GPM6A: variants seen among roughly 807,000 people sequenced by gnomAD.
The protein encoded by GPM6A is glycoprotein M6A.
GPM6A carries 7 observed loss-of-function variants against 32.1 expected under a neutral mutation model. That is an observed-to-expected ratio of 0.22 (90% CI 0.12 to 0.41). The LOEUF (loss-of-function observed/expected upper bound fraction) is 0.41. Ranked by LOEUF, GPM6A falls within the 10% of genes least tolerant of loss-of-function variation. The pLI is 1.00. For synonymous variants in GPM6A, 130 were observed against 123.4 expected, an observed-to-expected ratio of 1.05 and a Z score of -0.35; for missense variants, 235 against 347.2, an observed-to-expected ratio of 0.68 and a Z score of 2.57.
chr4:175,783,584 T>C (rs919317482), intron 1 of GPM6A, among the ~76,000 whole-genome samples: 1 of 151,958 alleles, frequency 6.6e-6, no homozygotes, highest in African/African-American at 2.4e-5. Context: ...GAATGCATAC[T>C]TTGATTCAAT....
intron 1 of GPM6A, among the ~76,000 whole-genome samples, chr4:175,879,815 T>C (rs984211245): frequency 1.3e-5 from 2 of 152,200 alleles, no homozygotes; most frequent in African/African-American, 4.8e-5. Flanking sequence ...AAAAGAATGT[T>C]ATGCTATTAT....
At chr4:175,686,772 CTAAT>C (rs762097475) in intron 2 of GPM6A, among the ~76,000 whole-genome samples, 1 of 152,306 alleles carries the variant, frequency 6.6e-6, no homozygotes, top group South Asian at 2.1e-4. Context: ...ATATAGTTGA[CTAAT>C]TAATTATTAC....
At chr4:175,959,939 TAAATGTATTTAATCCTCA>T (rs1464635830) in intron 1 of GPM6A, among the ~76,000 whole-genome samples, 1 of 152,200 alleles carries the variant, frequency 6.6e-6, no homozygotes, top group Non-Finnish European at 1.5e-5. Flanking sequence ...ATTTATACAT[TAAATGTATTTAATCCTCA>T]AAATAACCCT....
intron 1 of GPM6A, among the ~76,000 whole-genome samples, chr4:175,921,299 T>C (rs368061182): frequency 6.6e-6 from 1 of 152,210 alleles, no homozygotes. Flanking sequence ...TAATATTCCA[T>C]CTCAATCACT....
chr4:175,783,446 T>A (rs1733685797), intron 1 of GPM6A, among the ~76,000 whole-genome samples: 1 of 151,998 alleles, frequency 6.6e-6, no homozygotes, highest in African/African-American at 2.4e-5. Context: ...ATTTGTGGAA[T>A]ACCAAGTTAA....
intron 1 of GPM6A, among the ~76,000 whole-genome samples, chr4:175,886,979 T>C (rs963804686): frequency 1.3e-5 from 2 of 152,014 alleles, no homozygotes; most frequent in African/African-American, 4.8e-5. Context: ...AAGGAAAAGT[T>C]GATAGCTAAT....
chr4:175,871,438 C>T (rs575711268), intron 1 of GPM6A, among the ~76,000 whole-genome samples: 1 of 152,134 alleles, frequency 6.6e-6, no homozygotes, highest in Non-Finnish European at 1.5e-5. Flanking sequence ...CCACTGCACT[C>T]CAGCCTGGGC....
chr4:175,823,304 A>G (rs1386779191), intron 1 of GPM6A, among the ~76,000 whole-genome samples: 2 of 152,258 alleles, frequency 1.3e-5, no homozygotes, highest in Non-Finnish European at 2.9e-5. Context: ...ATTAACAACA[A>G]TGAACATAGG....
chr4:175,869,593 C>CT (rs1560972314), intron 1 of GPM6A, among the ~76,000 whole-genome samples: 3 of 151,840 alleles, frequency 2.0e-5, no homozygotes, highest in African/African-American at 7.3e-5. Context: ...CTTGTCTCTA[C>CT]TAACAATACA....
intron 1 of GPM6A, among the ~76,000 whole-genome samples, chr4:175,818,501 C>T (rs916130099): frequency 1.3e-4 from 20 of 152,328 alleles, no homozygotes; most frequent in African/African-American, 1.7e-4. Context: ...CCCTGGCCTG[C>T]GGCCTATAAG....
At chr4:175,840,292 C>T (rs925740521) in intron 1 of GPM6A, among the ~76,000 whole-genome samples, 1 of 152,110 alleles carries the variant, frequency 6.6e-6, no homozygotes, top group African/African-American at 2.4e-5. Context: ...ATGTCTATGC[C>T]AATTTAAAGA....
intron 1 of GPM6A, among the ~76,000 whole-genome samples, chr4:175,996,469 T>C (rs950173709): frequency 1.1e-4 from 16 of 152,218 alleles, no homozygotes; most frequent in African/African-American, 3.9e-4. Flanking sequence ...AAAGGATTTA[T>C]GCTAATTGAC....
intron 1 of GPM6A, among the ~76,000 whole-genome samples, chr4:175,870,896 A>G (rs1422047046): frequency 6.6e-6 from 1 of 152,154 alleles, no homozygotes; most frequent in Non-Finnish European, 1.5e-5. Context: ...TGTTGTAAGA[A>G]TGAAATAAAA....
At chr4:175,833,003 G>T in intron 1 of GPM6A, among the ~76,000 whole-genome samples, 1 of 152,156 alleles carries the variant, frequency 6.6e-6, no homozygotes, top group South Asian at 2.1e-4. Flanking sequence ...GCCAACAGCA[G>T]CTAGCTTCGT....
chr4:175,849,888 A>G (rs1736199535), intron 1 of GPM6A, among the ~76,000 whole-genome samples: 1 of 152,158 alleles, frequency 6.6e-6, no homozygotes, highest in Admixed American at 6.6e-5. Flanking sequence ...TGTATTAGAC[A>G]TGTGAGGATG....
At chr4:175,880,645 A>G in intron 1 of GPM6A, among the ~76,000 whole-genome samples, 1 of 152,130 alleles carries the variant, frequency 6.6e-6, no homozygotes, top group East Asian at 1.9e-4. Flanking sequence ...TTGTCTTTGA[A>G]GCAATTGTGA....
intron 1 of GPM6A, among the ~76,000 whole-genome samples, chr4:175,758,236 C>G (rs887689928): frequency 6.6e-6 from 1 of 151,704 alleles, no homozygotes; most frequent in Non-Finnish European, 1.5e-5. Context: ...AGGGCTGGGA[C>G]AAAAAAATGC....
At chr4:176,001,344 T>A (rs931920274) in intron 1 of GPM6A, among the ~76,000 whole-genome samples, 23 of 152,196 alleles carry the variant, frequency 1.5e-4, no homozygotes, top group African/African-American at 4.6e-4. Flanking sequence ...CTGAACGCAG[T>A]CGGCAACCGC....
chr4:175,756,348 C>T (rs1732522561), intron 1 of GPM6A, among the ~76,000 whole-genome samples: 1 of 152,070 alleles, frequency 6.6e-6, no homozygotes, highest in South Asian at 2.1e-4. Flanking sequence ...ATTAGCAACA[C>T]AGTTCAGTAA....
Sources: allele counts gnomAD v4.1 joint callset (sites outside exome capture counted in the v4.1 genomes callset), GRCh38; gene constraint gnomAD v4.1.1; transcripts MANE v1.5; gene names NCBI Gene and HGNC (gene_info 2026-07-23, HGNC 2026-07-21).